Variants in SERPING1 observed in about 807,000 individuals in gnomAD.
The protein encoded by SERPING1 is serpin family G member 1, also known as plasma protease C1 inhibitor.
Under a neutral mutation model 34.1 loss-of-function variants are expected in SERPING1, and 5 were observed. That is an observed-to-expected ratio of 0.15 (90% CI 0.08 to 0.31). The LOEUF (loss-of-function observed/expected upper bound fraction) is 0.31, where lower values mean the gene tolerates loss of function less well. Among genes scored for constraint, SERPING1 ranks in the 10% least tolerant of loss-of-function variants. The pLI, the probability that SERPING1 is intolerant of heterozygous loss-of-function variation, is 1.00. For missense variants in SERPING1, 505 were observed against 609.5 expected (o/e 0.83, Z 1.81); for synonymous variants, 225 against 242.4 (o/e 0.93, Z 0.67).
Position 57,600,063 on chromosome 11 carries a change from C to T in SERPING1, c.236C>T (p.Thr79Ile). ...ACAACCAATTCAGCCACCAAAATAA[C>T]AGCTAATACCACTGATGAACCCACC... ...NSTTNSATKI[T>I]ANTTDEPTTQ... The change falls in exon 3 of 8, where the codon ACA becomes ATA. Residue 79 changes from threonine to isoleucine, a missense_variant. Coordinates refer to ENST00000278407, the MANE Select transcript of SERPING1 (RefSeq NM_000062.3). 4.3e-6 allele frequency: 7 copies of T among 1,614,028 alleles called. No individual in the cohort carries two copies. The highest frequency in any genetic ancestry group is 2.2e-5 in the East Asian group (1 of 44,878).
At chr11:57,601,401 C>A (rs77169241) in intron 3 of SERPING1, among the ~76,000 whole-genome samples, 76 of 143,302 alleles carry the variant, frequency 5.3e-4, no homozygotes, top group African/African-American at 5.9e-4. Context: ...GACTCTGTCT[C>A]AAAAAAAAAA....
In SERPING1 at chr11:57,614,462, A is replaced by T. The variant is rs760216714; in HGVS notation, c.1384A>T (p.Ile462Phe). 25 of 1,613,968 alleles carry T rather than the reference A, an allele frequency of 1.5e-5. No homozygotes were observed. The highest frequency in any genetic ancestry group is 1.7e-5 in the Non-Finnish European group (20 of 1,180,022). ...GGTGGAGGCGGCTGCAGCCTCCGCC[A>T]TCTCTGTGGCCCGCACCCTGCTGGT... ...TGVEAAAASA[I>F]SVARTLLVFE... Residue 462 changes from isoleucine to phenylalanine, a missense_variant, in exon 8 of 8, where the codon ATC (isoleucine) becomes TTC (phenylalanine). Ile to Phe is a conservative substitution (Grantham distance 21). Transcript: ENST00000278407.
At position 57,606,294 on chromosome 11, in the gene SERPING1, G is replaced by C. The variant is rs1294849803; in HGVS notation, c.889+81G>C. 2 of 1,599,942 alleles carry C rather than the reference G, an allele frequency of 1.3e-6. No homozygotes were observed. The highest frequency in any genetic ancestry group is 3.3e-5 in the Admixed American group (2 of 59,954). On this transcript the variant is annotated intron_variant, in intron 5 of 7. Coordinates refer to ENST00000278407, the MANE Select transcript of SERPING1 (RefSeq NM_000062.3). ...GGCTTCAAAGCCCACTTAACCCCAA[G>C]TTCTACAATCGGATCTCAATGTCCC... is the stretch of plus-strand genomic sequence containing the variant.
At chr11:57,612,241 G>A (rs1490644720) in intron 7 of SERPING1, among the ~76,000 whole-genome samples, 10 of 152,072 alleles carry the variant, frequency 6.6e-5, no homozygotes, top group Admixed American at 6.6e-4. Flanking sequence ...TTGTGACATA[G>A]GCAGTGGAAC....
intron 4 of SERPING1, among the ~76,000 whole-genome samples, chr11:57,605,361 C>A (rs550268639): frequency 6.6e-6 from 1 of 151,588 alleles, no homozygotes; most frequent in Non-Finnish European, 1.5e-5. Context: ...TGCAGTGGCA[C>A]CATCTCAGCT....
intron 3 of SERPING1, among the ~76,000 whole-genome samples, chr11:57,601,754 T>C (rs934917061): frequency 6.7e-6 from 1 of 149,860 alleles, no homozygotes; most frequent in African/African-American, 2.5e-5. Flanking sequence ...TCCCAGCTAC[T>C]TGGGAGGCAG....
chr11:57,603,038 GC>G (rs888860292), intron 4 of SERPING1, among the ~76,000 whole-genome samples: 9 of 151,932 alleles, frequency 5.9e-5, no homozygotes, highest in Admixed American at 5.2e-4. Context: ...TTCAAGACCA[GC>G]CTGGCCAACA....
intron 4 of SERPING1, among the ~76,000 whole-genome samples, chr11:57,603,394 G>C (rs1945372575): frequency 6.7e-6 from 1 of 148,962 alleles, no homozygotes; most frequent in South Asian, 2.1e-4. Flanking sequence ...GAAAATACAA[G>C]AAATTACCCT....
chr11:57,605,848 T>C, intron 4 of SERPING1, 162 bp from the exon 5 acceptor site: 3 of 748,690 alleles, frequency 4.0e-6, no homozygotes, highest in South Asian at 2.9e-5. Flanking sequence ...TTGGGCCTTA[T>C]TTGCCACATC....
chr11:57,599,937 T>C lies in SERPING1; in HGVS notation c.110T>C (p.Leu37Ser), dbSNP rs1371930749. The C allele has an allele frequency of 1.9e-6, 3 of 1,614,208 alleles. No individual in the cohort carries two copies. Among genetic ancestry groups the C allele is most frequent in the Non-Finnish European group, 2.5e-6 (3 of 1,180,040 alleles). Reference sequence around the variant, plus strand: ...TCCAGCTCCCAGGATCCAGAGAGTTTGCAAGACAGAGGCGAAGGGAAGGTC... The same window carrying C: ...TCCAGCTCCCAGGATCCAGAGAGTTCGCAAGACAGAGGCGAAGGGAAGGTC... Reference protein sequence around the residue: ...TSSSSQDPESLQDRGEGKVAT... With the variant: ...TSSSSQDPESSQDRGEGKVAT... The change falls in exon 3 of 8, where the codon TTG becomes TCG. Residue 37 changes from leucine (L) to serine (S), a missense_variant. Physicochemically the swap from Leu to Ser is moderately radical, Grantham distance 145. Coordinates refer to ENST00000278407, the MANE Select transcript of SERPING1 (RefSeq NM_000062.3).
At position 57,597,964 on chromosome 11, in the gene SERPING1, G is replaced by C. The variant is rs28362941; in HGVS notation, c.-23+242G>C. The C allele has an allele frequency of 4.9e-4, 223 of 457,168 alleles. 1 individual carries two copies. Among genetic ancestry groups the C allele is most frequent in the African/African-American group, 4.3e-3 (215 of 50,242 alleles). The allele number at this position is 457,168 out of a possible 1,614,324, so 28.3% of individuals were successfully genotyped here. On this transcript the variant is annotated intron_variant, in intron 1 of 7. Coordinates refer to ENST00000278407, the MANE Select transcript of SERPING1 (RefSeq NM_000062.3). ...CCTCTGGCCTCATTGTTTGGTTAAAGCAGGACCCCCTCCCCCTCCCACCAC... is the reference window on the plus strand; with the variant it reads ...CCTCTGGCCTCATTGTTTGGTTAAACCAGGACCCCCTCCCCCTCCCACCAC...
At chr11:57,605,852 C>A in intron 4 of SERPING1, 158 bp from the exon 5 acceptor site, 1 of 760,726 alleles carries the variant, frequency 1.3e-6, no homozygotes, top group East Asian at 2.5e-5. Flanking sequence ...GCCTTATTTG[C>A]CACATCTGTA....
chr11:57,614,654 T>A lies in SERPING1; in HGVS notation c.*73T>A. On this transcript the variant is annotated 3_prime_UTR_variant, in exon 8 of 8. Coordinates refer to ENST00000278407, the MANE Select transcript of SERPING1 (RefSeq NM_000062.3). ...TCTCAGTTGCAGCCCTGCTGCTGCC[T>A]GCCTGGACTTGGCCCCTGCCACCTC... 1 of 1,549,594 alleles carries A rather than the reference T, an allele frequency of 6.5e-7. No homozygotes were observed. The highest frequency in any genetic ancestry group is 8.7e-7 in the Non-Finnish European group (1 of 1,147,336).
intron 6 of SERPING1, among the ~76,000 whole-genome samples, chr11:57,609,169 C>T (rs996748192): frequency 6.6e-6 from 1 of 151,994 alleles, no homozygotes; most frequent in Admixed American, 6.6e-5. Context: ...ATCCCAGCTA[C>T]TCAGGATGCT....
chr11:57,600,905 C>T (rs574503338), intron 3 of SERPING1, among the ~76,000 whole-genome samples: 42 of 151,204 alleles, frequency 2.8e-4, no homozygotes, highest in Admixed American at 1.8e-3. Context: ...GAGCCGAGAC[C>T]GCACCATTGC....
intron 6 of SERPING1, among the ~76,000 whole-genome samples, chr11:57,608,097 A>G (rs1023706205): frequency 3.3e-5 from 5 of 152,256 alleles, no homozygotes; most frequent in Non-Finnish European, 5.9e-5. Flanking sequence ...TATAAGGCAC[A>G]GAAGAGTGAA....
intron 6 of SERPING1, among the ~76,000 whole-genome samples, chr11:57,608,848 G>T (rs1477500072): frequency 1.3e-5 from 2 of 151,738 alleles, no homozygotes; most frequent in Admixed American, 6.6e-5. Context: ...AAAGGAGGAG[G>T]AGTAGTTTTG....
At chr11:57,598,363 G>C (rs1460197435) in intron 2 of SERPING1, 42 bp downstream of exon 2, 2 of 1,538,316 alleles carry the variant, frequency 1.3e-6, no homozygotes, top group Non-Finnish European at 1.7e-6. Flanking sequence ...GGTGGAGACG[G>C]GAGGCGGGAT....
At position 57,606,472 on chromosome 11, in the gene SERPING1, A is replaced by T; in HGVS notation, c.954A>T (p.Ser318=). The T allele has an allele frequency of 6.2e-7, 1 of 1,614,188 alleles. No individual in the cohort carries two copies. Among genetic ancestry groups the T allele is most frequent in the Non-Finnish European group, 8.5e-7 (1 of 1,180,008 alleles). Residue 318 remains serine, a synonymous_variant, in exon 6 of 8, where the codon TCA becomes TCT. Transcript: ENST00000278407. ...TRMEPFHFKN[S]VIKVPMMNSK... ...TGGAACCCTTTCACTTCAAAAACTC[A>T]GTTATAAAAGTGCCCATGATGAATA...
Sources: gnomAD v4.1 joint callset for allele counts (sites outside exome capture counted in the v4.1 genomes callset) on GRCh38, gnomAD v4.1.1 for gene constraint, MANE v1.5 for transcripts, NCBI Gene and HGNC (gene_info 2026-07-23, HGNC 2026-07-21) for gene names.